Variants in ADAMTSL3 observed in about 807,000 individuals in gnomAD.
ADAMTSL3 encodes ADAMTS-like protein 3.
ADAMTSL3 carries 128 observed loss-of-function variants against 201.7 expected under a neutral mutation model. The ratio of observed to expected loss-of-function variants is 0.63; its 90% CI spans 0.55 to 0.73. ADAMTSL3 has a LOEUF of 0.73. Among genes scored for constraint, ADAMTSL3 ranks in the 30% least tolerant of loss-of-function variants. The pLI, the probability that ADAMTSL3 is intolerant of heterozygous loss-of-function variation, is 0.00. For missense variants in ADAMTSL3, 1,990 were observed against 2,119.6 expected (o/e 0.94, Z 1.20); for synonymous variants, 738 against 748.4 (o/e 0.99, Z 0.23).
At chr15:84,028,059 A>C (rs929127249) in intron 27 of ADAMTSL3, among the ~76,000 whole-genome samples, 1 of 152,216 alleles carries the variant, frequency 6.6e-6, no homozygotes, top group Non-Finnish European at 1.5e-5. Flanking sequence ...AGAGACAAAA[A>C]GTAGACTAAT....
Position 83,801,673 on chromosome 15 carries a change from T to A in ADAMTSL3, c.318-2977T>A, listed in dbSNP as rs866036948. On this transcript the variant is annotated intron_variant, in intron 4 of 29. Transcript: ENST00000286744. ...ATAAATATATATATATATATATATA[T>A]ATATATATATATATATATATATGTA... 6.5e-4 allele frequency among the ~76,000 whole-genome samples: 47 copies of A among 72,588 alleles called. 1 individual carries two copies. Among genetic ancestry groups the A allele is most frequent in the African/African-American group, 1.8e-3 (43 of 24,560 alleles). 47.6% of individuals were successfully genotyped at this position (72,588 alleles called of 152,430 possible).
At chr15:83,702,506 C>G (rs185597580) in intron 2 of ADAMTSL3, among the ~76,000 whole-genome samples, 1 of 152,294 alleles carries the variant, frequency 6.6e-6, no homozygotes, top group East Asian at 1.9e-4. Flanking sequence ...GGCCCTGGGT[C>G]CCTTGGCTGT....
At chr15:83,906,272 C>T (rs965498777) in intron 15 of ADAMTSL3, among the ~76,000 whole-genome samples, 1 of 152,168 alleles carries the variant, frequency 6.6e-6, no homozygotes, top group Non-Finnish European at 1.5e-5. Flanking sequence ...AACTTCCCCC[C>T]CAAAAAATTG....
At chr15:83,876,099 A>T (rs1356501532) in intron 9 of ADAMTSL3, among the ~76,000 whole-genome samples, 1 of 152,146 alleles carries the variant, frequency 6.6e-6, no homozygotes, top group African/African-American at 2.4e-5. Context: ...ACATTTTTCT[A>T]CGGAAGTATC....
chr15:83,775,901 G>T (rs1206525058), intron 4 of ADAMTSL3, among the ~76,000 whole-genome samples: 1 of 152,094 alleles, frequency 6.6e-6, no homozygotes, highest in African/African-American at 2.4e-5. Flanking sequence ...CCCCTCTGTG[G>T]CCATCTTGGT....
intron 2 of ADAMTSL3, among the ~76,000 whole-genome samples, chr15:83,682,121 G>C (rs1004540480): frequency 6.6e-6 from 1 of 152,126 alleles, no homozygotes; most frequent in Non-Finnish European, 1.5e-5. Context: ...CTGGCATCTT[G>C]ACTCTGTGAC....
intron 7 of ADAMTSL3, among the ~76,000 whole-genome samples, chr15:83,848,647 G>A (rs1379252304): frequency 6.6e-6 from 1 of 152,202 alleles, no homozygotes; most frequent in African/African-American, 2.4e-5. Context: ...TAAAAGTGTA[G>A]TTTTGGGTCC....
chr15:83,868,389 T>G (rs1183201940), intron 8 of ADAMTSL3, among the ~76,000 whole-genome samples: 1 of 152,240 alleles, frequency 6.6e-6, no homozygotes, highest in African/African-American at 2.4e-5. Flanking sequence ...TTTTTGTCAT[T>G]TATTTTTAAG....
Position 83,819,949 on chromosome 15 carries a change from C to G in ADAMTSL3, c.502C>G (p.Gln168Glu). Residue 168 changes from glutamine (Q) to glutamate (E), a missense_variant, in exon 6 of 30, where the codon CAA (glutamine) becomes GAA (glutamate). Gln to Glu is a conservative substitution (Grantham distance 29). Coordinates refer to ENST00000286744, the MANE Select transcript of ADAMTSL3 (RefSeq NM_207517.3). ...CCCGTGTGCACTCAAGTGTCATGCA[C>G]AAGGACAAAACTTGGTGGTGGAGCT... is the stretch of plus-strand genomic sequence containing the variant. ...AAPCALKCHA[Q>E]GQNLVVELAP... is the part of the protein sequence containing the mutation. 1 of 1,614,110 alleles carries G rather than the reference C, an allele frequency of 6.2e-7. No individual in the cohort carries two copies. The highest frequency in any genetic ancestry group is 8.5e-7 in the Non-Finnish European group (1 of 1,180,022).
chr15:83,790,484 A>G (rs377617103), intron 4 of ADAMTSL3, among the ~76,000 whole-genome samples: 1 of 151,976 alleles, frequency 6.6e-6, no homozygotes, highest in Admixed American at 6.6e-5. Flanking sequence ...GAAAAAATGT[A>G]TAGGATCTTA....
chr15:83,659,735 T>C (rs1052563988), intron 2 of ADAMTSL3, among the ~76,000 whole-genome samples: 6 of 152,272 alleles, frequency 3.9e-5, no homozygotes, highest in African/African-American at 1.4e-4. Flanking sequence ...TCCTGGATTA[T>C]GCAATCACAA....
At chr15:83,898,310 G>T (rs887382218) in intron 14 of ADAMTSL3, among the ~76,000 whole-genome samples, 4 of 151,984 alleles carry the variant, frequency 2.6e-5, no homozygotes, top group African/African-American at 4.8e-5. Context: ...AAAAGAAGAA[G>T]AATGGCGGGG....
rs534584924 is a variant in ADAMTSL3, at chr15:83,835,202, C to G, written c.601-2887C>G. 1.0e-4 allele frequency among the ~76,000 whole-genome samples: 15 copies of G among 147,780 alleles called. No individual in the cohort carries two copies. The South Asian group carries it at 2.4e-3, about 23-fold the overall frequency. ...TGAGCTGAGATTGCACCACTGCACT[C>G]CAGCTTGGGCGGCAGAGCAAGACTC... On this transcript the variant is annotated intron_variant, in intron 6 of 29. Coordinates refer to ENST00000286744, the MANE Select transcript of ADAMTSL3 (RefSeq NM_207517.3).
chr15:83,702,865 A>G (rs1404684539), intron 2 of ADAMTSL3, among the ~76,000 whole-genome samples: 5 of 152,172 alleles, frequency 3.3e-5, no homozygotes, highest in Admixed American at 1.3e-4. Flanking sequence ...GAAGAGGGCT[A>G]CTGTCCTCCA....
chr15:83,752,136 T>C (rs2062646214), intron 3 of ADAMTSL3, among the ~76,000 whole-genome samples: 1 of 152,228 alleles, frequency 6.6e-6, no homozygotes, highest in South Asian at 2.1e-4. Flanking sequence ...AAATTGGCTT[T>C]GTGGAAAATC....
intron 4 of ADAMTSL3, among the ~76,000 whole-genome samples, chr15:83,782,963 T>C (rs1439341303): frequency 6.8e-6 from 1 of 146,310 alleles, no homozygotes; most frequent in Non-Finnish European, 1.5e-5. Flanking sequence ...ATATTATATA[T>C]ACATATATTA....
intron 9 of ADAMTSL3, among the ~76,000 whole-genome samples, chr15:83,871,593 A>G (rs766810179): frequency 6.6e-6 from 1 of 152,132 alleles, no homozygotes; most frequent in Non-Finnish European, 1.5e-5. Context: ...GCTTCCCCAG[A>G]TGTTCTATGA....
intron 2 of ADAMTSL3, among the ~76,000 whole-genome samples, chr15:83,667,387 A>C (rs569351246): frequency 6.6e-6 from 1 of 152,332 alleles, no homozygotes; most frequent in South Asian, 2.1e-4. Flanking sequence ...CTTAAATGGC[A>C]TATGGTATAA....
chr15:83,949,959 G>A (rs2066728816), intron 19 of ADAMTSL3, among the ~76,000 whole-genome samples: 2 of 151,800 alleles, frequency 1.3e-5, no homozygotes, highest in Non-Finnish European at 2.9e-5. Flanking sequence ...CAATTCTGTG[G>A]GTTGTGTCTA....
Sources: gnomAD v4.1 joint callset for allele counts (sites outside exome capture counted in the v4.1 genomes callset) on GRCh38, gnomAD v4.1.1 for gene constraint, MANE v1.5 for transcripts, NCBI Gene and HGNC (gene_info 2026-07-23, HGNC 2026-07-21) for gene names.